The following JPT2 variants were observed in gnomAD, a reference collection of about 807,000 sequenced individuals.
JPT2 encodes Jupiter microtubule associated homolog 2.
JPT2 carries 9 observed loss-of-function variants against 15.9 expected under a neutral mutation model. The observed-to-expected ratio is 0.57, with a 90% CI of 0.34 to 0.99. JPT2 has a LOEUF of 0.99. JPT2 is among the 50% of genes least tolerant of loss of function. JPT2 has a pLI of 0.02. For missense variants in JPT2, 267 were observed against 252.1 expected (o/e 1.06, Z -0.40); for synonymous variants, 95 against 91.7 (o/e 1.04, Z -0.21).
intron 4 of JPT2, 67 bp downstream of exon 4, chr16:1,697,927 TCC>T: frequency 7.0e-7 from 1 of 1,423,192 alleles, no homozygotes. Flanking sequence ...TGCTAGTCTC[TCC>T]TCTGGGAATG....
intron 1 of JPT2, chr16:1,683,465 T>A (rs2037040660): frequency 7.8e-7 from 1 of 1,281,958 alleles, no homozygotes; most frequent in African/African-American, 1.5e-5. Flanking sequence ...TAATTTTTCT[T>A]AAGTGCACCT....
intron 1 of JPT2, among the ~76,000 whole-genome samples, chr16:1,683,134 G>A (rs533058059): frequency 7.9e-5 from 12 of 152,208 alleles, no homozygotes; most frequent in African/African-American, 2.4e-4. Context: ...CCGCCACCAC[G>A]CCCGGCTAAT....
downstream of JPT2, among the ~76,000 whole-genome samples, chr16:1,702,729 A>T (rs1226251383): frequency 1.3e-5 from 2 of 152,230 alleles, no homozygotes; most frequent in African/African-American, 2.4e-5. Flanking sequence ...GTGTGGCTAC[A>T]AAGTGCTATC....
At chr16:1,691,144 T>A (rs1025069571) in intron 2 of JPT2, among the ~76,000 whole-genome samples, 4 of 152,226 alleles carry the variant, frequency 2.6e-5, no homozygotes, top group Non-Finnish European at 5.9e-5. Context: ...GAAGAGATGA[T>A]CAGTTGGTCC....
chr16:1,687,159 G>T (rs1461623864), intron 2 of JPT2, among the ~76,000 whole-genome samples: 1 of 151,860 alleles, frequency 6.6e-6, no homozygotes, highest in Non-Finnish European at 1.5e-5. Context: ...ATTTTTTTTT[G>T]TATTTTTTGT....
chr16:1,689,703 C>T (rs2037091527), intron 2 of JPT2: 1 of 152,320 alleles, frequency 6.6e-6, no homozygotes, highest in African/African-American at 2.4e-5. Flanking sequence ...TGGCCTCCCA[C>T]CGTGCTAAGA....
rs2037118494 is a variant in JPT2 at position 1,693,464 on chromosome 16, TGAACTTTGGCAAGA to T, written c.336+1480_336+1493del. Among the ~76,000 whole-genome samples the T allele has an allele frequency of 2.0e-5, 3 of 152,282 alleles. No homozygotes were observed. The South Asian group carries it at 6.2e-4, about 32-fold the overall frequency. ...TATCTTTGGGGGCTTTACTACAAGG[TGAACTTTGGCAAGA>T]CCAGAAATGTCCCAAAAGTCAGCAA... On this transcript the variant is annotated intron_variant, in intron 3 of 4. Transcript: ENST00000248098.
chr16:1,683,742 T>C, intron 1 of JPT2: 1 of 596,394 alleles, frequency 1.7e-6, no homozygotes, highest in Non-Finnish European at 2.9e-6. Context: ...CTCAGCGCTC[T>C]TTCTAGATCT....
chr16:1,691,881 G>T lies in JPT2; in HGVS notation c.232G>T (p.Val78Leu). 1.2e-6 allele frequency: 2 copies of T among 1,614,108 alleles called. No homozygotes were observed. Among genetic ancestry groups the T allele is most frequent in the Non-Finnish European group, 1.7e-6 (2 of 1,180,024 alleles). The change falls in exon 3 of 5, where the codon GTG becomes TTG. Residue 78 changes from valine to leucine, a missense_variant. Val to Leu is a conservative substitution (Grantham distance 32, BLOSUM62 1). Coordinates refer to ENST00000248098, the MANE Select transcript of JPT2 (RefSeq NM_144570.3). ...TGGTATCTTTGACGAATCAACCCCC[G>T]TGCAGACTCGACAGCACCTGAACCC... ...GSGIFDESTP[V>L]QTRQHLNPPG...
In JPT2 at chr16:1,699,935, G is replaced by T; in HGVS notation, c.*937G>T. Reference sequence around the variant, plus strand: ...CTGTGTCTTTCTTTATTCCTTAATTGGTTGGTGGAAAGAAGAGATGCTTGG... The same window carrying T: ...CTGTGTCTTTCTTTATTCCTTAATTTGTTGGTGGAAAGAAGAGATGCTTGG... On this transcript the variant is annotated 3_prime_UTR_variant, in exon 5 of 5. Coordinates refer to ENST00000248098, the MANE Select transcript of JPT2 (RefSeq NM_144570.3). The T allele has an allele frequency of 3.4e-6, 1 of 294,338 alleles. No homozygotes were observed. The highest frequency in any genetic ancestry group is 7.1e-6 in the Non-Finnish European group (1 of 141,490). 18.2% of individuals were successfully genotyped at this position (294,338 alleles called of 1,614,324 possible).
In JPT2 at chr16:1,698,326, C is replaced by T. The variant is rs182807618; in HGVS notation, c.385+466C>T. ...GGCTCTTTAGCCTGACCATGGGCATCGGTTTCTGCCTTTGGGTCTCCATTT... is the reference window on the plus strand; with the variant it reads ...GGCTCTTTAGCCTGACCATGGGCATTGGTTTCTGCCTTTGGGTCTCCATTT... On this transcript the variant is annotated intron_variant, in intron 4 of 4. Transcript: ENST00000248098. The surrounding 1 kb of genome is among the most constrained non-coding windows in gnomAD (Gnocchi z 4.9). Among the ~76,000 whole-genome samples the T allele has an allele frequency of 1.2e-4, 19 of 152,320 alleles. No individual in the cohort carries two copies. Among genetic ancestry groups the T allele is most frequent in the Non-Finnish European group, 4.4e-5 (3 of 68,032 alleles).
chr16:1,691,781 G>T, intron 2 of JPT2, 62 bp from the exon 3 acceptor site: 2 of 1,551,142 alleles, frequency 1.3e-6, no homozygotes, highest in South Asian at 1.2e-5. Flanking sequence ...CACTGCGGGG[G>T]TGGGGTGGGG....
intron 1 of JPT2, among the ~76,000 whole-genome samples, chr16:1,680,779 A>G (rs2037016546): frequency 6.6e-6 from 1 of 152,108 alleles, no homozygotes; most frequent in Admixed American, 6.5e-5. Context: ...AAGCTGGAAC[A>G]TTTCTATTTG....
intron 1 of JPT2, among the ~76,000 whole-genome samples, chr16:1,680,112 C>A (rs1440648926): frequency 1.3e-5 from 2 of 152,176 alleles, no homozygotes; most frequent in African/African-American, 4.8e-5. Context: ...AGGTCTGCAC[C>A]GATGTGGGAC....
At chr16:1,680,307 A>C in intron 1 of JPT2, 2 of 997,138 alleles carry the variant, frequency 2.0e-6, no homozygotes, top group Non-Finnish European at 2.4e-6. Flanking sequence ...GATGGTGTTT[A>C]TTATCACCCT....
In JPT2 at chr16:1,700,071, C is replaced by T. The variant is rs1215510897; in HGVS notation, c.*1073C>T. The T allele has an allele frequency of 2.3e-6, 1 of 441,770 alleles. No homozygotes were observed. Among genetic ancestry groups the T allele is most frequent in the African/African-American group, 2.0e-5 (1 of 49,686 alleles). The allele number at this position is 441,770 out of a possible 1,614,324, so 27.4% of individuals were successfully genotyped here. A position where few individuals can be genotyped will look rare whatever the true frequency, so the allele number is the denominator to read the frequency against. ...CTCTGGTCTGTTTCTGACACCTTTC[C>T]AGAAAAAAGTCAATTGTTCAGGTAC... On this transcript the variant is annotated 3_prime_UTR_variant, in exon 5 of 5. Coordinates refer to ENST00000248098, the MANE Select transcript of JPT2 (RefSeq NM_144570.3).
At chr16:1,682,689 G>A (rs1025692472) in intron 1 of JPT2, among the ~76,000 whole-genome samples, 2 of 151,444 alleles carry the variant, frequency 1.3e-5, no homozygotes, top group African/African-American at 2.4e-5. Flanking sequence ...AAAAAAAAAT[G>A]TAGAATTAGG....
At chr16:1,688,330 A>G (rs977237258) in intron 2 of JPT2, 1 of 152,208 alleles carries the variant, frequency 6.6e-6, no homozygotes, top group African/African-American at 2.4e-5. Context: ...TAGCAGTGCT[A>G]GTCGGTGGCA....
chr16:1,698,758 C>A lies in JPT2; in HGVS notation c.386-53C>A. 6.5e-7 allele frequency: 1 copy of A among 1,534,188 alleles called. No individual in the cohort carries two copies. Among genetic ancestry groups the A allele is most frequent in the South Asian group, 1.2e-5 (1 of 80,724 alleles). Reference sequence around the variant, plus strand: ...CTTTTTATTTCCACAGCCTGCCTGTCAGGGTCATGGGTTGCCTCTAATGGG... The same window carrying A: ...CTTTTTATTTCCACAGCCTGCCTGTAAGGGTCATGGGTTGCCTCTAATGGG... On this transcript the variant is annotated intron_variant, in intron 4 of 4. Coordinates refer to ENST00000248098, the MANE Select transcript of JPT2 (RefSeq NM_144570.3). This position sits in a 1 kb window ranked among gnomAD's most constrained non-coding sequence, Gnocchi z 4.9.
Sources: allele counts gnomAD v4.1 joint callset (sites outside exome capture counted in the v4.1 genomes callset), GRCh38; gene constraint gnomAD v4.1.1; non-coding constraint Gnocchi (gnomAD v3.1); transcripts MANE v1.5; gene names NCBI Gene and HGNC (gene_info 2026-07-23, HGNC 2026-07-21).